Variants in WDR37 observed in about 807,000 individuals in gnomAD.
WDR37 encodes WD repeat-containing protein 37.
WDR37 carries 19 observed loss-of-function variants against 62.9 expected under a neutral mutation model. That is an observed-to-expected ratio of 0.30 (90% CI 0.21 to 0.44). The LOEUF (loss-of-function observed/expected upper bound fraction) is 0.44. WDR37 is among the 20% of genes least tolerant of loss of function. The probability of loss-of-function intolerance (pLI) is 1.00; values close to 1 mark genes in which losing one functional copy is unlikely to be tolerated. For missense variants in WDR37, 474 were observed against 657.6 expected (o/e 0.72, Z 3.05); for synonymous variants, 250 against 260.9 (o/e 0.96, Z 0.40).
Position 1,103,814 on chromosome 10 carries a change from C to T in WDR37, c.939C>T (p.Ser313=), listed in dbSNP as rs145990280. The change falls in exon 10 of 14, where the codon TCC becomes TCT. Residue 313 remains serine (S), a synonymous_variant. Transcript: ENST00000263150. The surrounding 1 kb of genome is among the most constrained non-coding windows in gnomAD (Gnocchi z 6.3). ...CAAACCTGTACGACGTGGAGACGTC[C>T]GAGCTCGTTCACTCTCTGACAGGTG... ...RTANLYDVET[S]ELVHSLTGHD... The T allele has an allele frequency of 2.0e-4, 330 of 1,614,184 alleles. No homozygotes were observed. Among genetic ancestry groups the T allele is most frequent in the South Asian group, 1.5e-3 (139 of 91,072 alleles).
intron 9 of WDR37, among the ~76,000 whole-genome samples, chr10:1,098,571 C>G (rs1834679375): frequency 1.3e-5 from 2 of 152,270 alleles, no homozygotes; most frequent in South Asian, 2.1e-4. Context: ...GTGATCCGCC[C>G]TCCTCGGCCT....
chr10:1,124,280 C>T lies in WDR37; in HGVS notation c.1166C>T (p.Thr389Met), dbSNP rs201773585. 4.8e-5 allele frequency: 78 copies of T among 1,614,034 alleles called. No homozygotes were observed. Among genetic ancestry groups the T allele is most frequent in the Non-Finnish European group, 6.0e-5 (71 of 1,180,044 alleles). ...DNVVSGSDDRTVKVWDLKNMR... is the reference protein window; with the variant it reads ...DNVVSGSDDRMVKVWDLKNMR... Reference sequence around the variant, plus strand: ...GTGGTTTCAGGCAGCGATGACCGCACGGTGAAAGTCTGGGACTTGAAAAAT... The same window carrying T: ...GTGGTTTCAGGCAGCGATGACCGCATGGTGAAAGTCTGGGACTTGAAAAAT... Residue 389 changes from threonine (T) to methionine (M), a missense_variant, in exon 12 of 14, where the codon ACG becomes ATG. By Grantham distance (81) the Thr-to-Met change is moderately conservative. Coordinates refer to ENST00000263150, the MANE Select transcript of WDR37 (RefSeq NM_014023.4).
intron 8 of WDR37, among the ~76,000 whole-genome samples, chr10:1,093,966 A>C (rs971194513): frequency 1.3e-5 from 2 of 152,190 alleles, no homozygotes; most frequent in African/African-American, 2.4e-5. Flanking sequence ...CTATAATTTC[A>C]GAGTAGTTTT....
At chr10:1,059,296 A>T (rs1011591244) in intron 1 of WDR37, among the ~76,000 whole-genome samples, 10 of 152,110 alleles carry the variant, frequency 6.6e-5, no homozygotes, top group African/African-American at 2.4e-4. Flanking sequence ...GAATCACTTG[A>T]ACTCAGGAGG....
At chr10:1,081,236 G>A (rs1002344046) in intron 5 of WDR37, among the ~76,000 whole-genome samples, 24 of 152,120 alleles carry the variant, frequency 1.6e-4, no homozygotes, top group African/African-American at 5.6e-4. Flanking sequence ...AAAGTATCTC[G>A]TGCTGACCTT....
At chr10:1,106,708 G>A (rs144808995) in intron 11 of WDR37, among the ~76,000 whole-genome samples, 1 of 152,214 alleles carries the variant, frequency 6.6e-6, no homozygotes, top group East Asian at 1.9e-4. Flanking sequence ...GTAGAGGTGG[G>A]GTTTCACCAT....
chr10:1,079,725 C>T (rs1037561178), intron 3 of WDR37, among the ~76,000 whole-genome samples: 6 of 151,848 alleles, frequency 4.0e-5, no homozygotes, highest in South Asian at 2.1e-4. Flanking sequence ...AGTAGAGACA[C>T]CCTGTTGGTC....
chr10:1,116,167 T>C (rs1835389147), intron 11 of WDR37, among the ~76,000 whole-genome samples: 2 of 151,994 alleles, frequency 1.3e-5, no homozygotes. Context: ...GTCTCCACTC[T>C]GTCCATCAGT....
intron 6 of WDR37, 65 bp from the exon 7 acceptor site, chr10:1,086,221 C>A: frequency 7.3e-7 from 1 of 1,362,940 alleles, no homozygotes; most frequent in Non-Finnish European, 1.0e-6. Flanking sequence ...TTGTCTTATT[C>A]TTTCATTTGA....
At chr10:1,108,083 A>G (rs1318086351) in intron 11 of WDR37, among the ~76,000 whole-genome samples, 2 of 152,260 alleles carry the variant, frequency 1.3e-5, no homozygotes, top group Non-Finnish European at 2.9e-5. Flanking sequence ...AAACTCCAGC[A>G]TGCATTTTCT....
At chr10:1,086,458 C>G (rs958551548) in intron 7 of WDR37, 101 bp downstream of exon 7, 4 of 923,010 alleles carry the variant, frequency 4.3e-6, no homozygotes, top group African/African-American at 1.6e-5. Flanking sequence ...GTGTAGGAAG[C>G]CTTACTGTTT....
intron 13 of WDR37, among the ~76,000 whole-genome samples, chr10:1,126,339 G>C (rs1266214476): frequency 2.7e-5 from 4 of 150,896 alleles, no homozygotes; most frequent in East Asian, 1.9e-4. Context: ...CCAGGAGGCG[G>C]AGCTTGCAGT....
At chr10:1,100,033 G>A (rs545586175) in intron 9 of WDR37, among the ~76,000 whole-genome samples, 2 of 152,340 alleles carry the variant, frequency 1.3e-5, no homozygotes, top group East Asian at 3.9e-4. Context: ...TGTATGGATT[G>A]TTTTCCAAAT....
intron 11 of WDR37, among the ~76,000 whole-genome samples, chr10:1,120,923 G>C (rs1835557583): frequency 6.6e-6 from 1 of 152,268 alleles, no homozygotes; most frequent in Non-Finnish European, 1.5e-5. Context: ...CGCTGATGGA[G>C]ACCCGCGGAG....
Position 1,121,196 on chromosome 10 carries a change from A to G in WDR37, c.1104-3022A>G, listed in dbSNP as rs1835567513. Among the ~76,000 whole-genome samples, 1 of 152,204 alleles carries G rather than the reference A, an allele frequency of 6.6e-6. No homozygotes were observed. The highest frequency in any genetic ancestry group is 2.1e-4 in the South Asian group (1 of 4,836). ...ACAATACTTGTCAGGATTGTGATTTATTAAAAACCTAATGTCTTTTAGCAT... is the reference window on the plus strand; with the variant it reads ...ACAATACTTGTCAGGATTGTGATTTGTTAAAAACCTAATGTCTTTTAGCAT... On this transcript the variant is annotated intron_variant, in intron 11 of 13. Coordinates refer to ENST00000263150, the MANE Select transcript of WDR37 (RefSeq NM_014023.4). The surrounding 1 kb of genome is among the most constrained non-coding windows in gnomAD (Gnocchi z 4.5).
chr10:1,072,282 T>G lies in WDR37; in HGVS notation c.127T>G (p.Leu43Val), dbSNP rs1227137807. The change falls in exon 2 of 14, where the codon TTA becomes GTA. Residue 43 changes from leucine (L) to valine (V), a missense_variant. Physicochemically the swap from Leu to Val is conservative, Grantham distance 32. Transcript: ENST00000263150. ...QERTGLPRDMLEGQDSKLPSS... is the reference protein window; with the variant it reads ...QERTGLPRDMVEGQDSKLPSS... ...GAGGACGGGACTGCCAAGAGACATGTTAGAAGGACAAGTAAGCTACGATTG... is the reference window on the plus strand; with the variant it reads ...GAGGACGGGACTGCCAAGAGACATGGTAGAAGGACAAGTAAGCTACGATTG... The G allele has an allele frequency of 1.9e-6, 3 of 1,613,804 alleles. No homozygotes were observed. The highest frequency in any genetic ancestry group is 1.1e-5 in the South Asian group (1 of 91,016).
Position 1,057,274 on chromosome 10 carries a change from C to T in WDR37, c.-41+306C>T, listed in dbSNP as rs182540710. 1.0e-2 allele frequency among the ~76,000 whole-genome samples: 1,510 copies of T among 151,124 alleles called. 25 individuals are homozygous for T. Among genetic ancestry groups the T allele is most frequent in the African/African-American group, 0.034 (1,408 of 41,104 alleles). ...CCAGGGTGCGGGAGGGATGGGGGCC[C>T]GGGGCGGTGCAGAAGATGTCGGAGT... On this transcript the variant is annotated intron_variant, in intron 1 of 13. Coordinates refer to ENST00000263150, the MANE Select transcript of WDR37 (RefSeq NM_014023.4).
chr10:1,115,265 A>G (rs1372257191), intron 11 of WDR37, among the ~76,000 whole-genome samples: 2 of 152,236 alleles, frequency 1.3e-5, no homozygotes, highest in African/African-American at 4.8e-5. Flanking sequence ...AATTCTTTGC[A>G]AACGATTTTA....
At chr10:1,061,960 C>T (rs76141283) in intron 1 of WDR37, among the ~76,000 whole-genome samples, 2,493 of 151,804 alleles carry the variant, frequency 0.016, 28 homozygotes, top group Middle Eastern at 0.044. Context: ...GCGGATATTC[C>T]AAAATCTGAA....
Sources: gnomAD v4.1 joint callset for allele counts (sites outside exome capture counted in the v4.1 genomes callset) on GRCh38, gnomAD v4.1.1 for gene constraint, Gnocchi (gnomAD v3.1) non-coding constraint, MANE v1.5 for transcripts, NCBI Gene and HGNC (gene_info 2026-07-23, HGNC 2026-07-21) for gene names.